CUX2: variants seen among roughly 807,000 people sequenced by gnomAD.
CUX2 encodes the protein cut like homeobox 2, also known as homeobox protein cut-like 2.
Under a neutral mutation model 144.8 loss-of-function variants are expected in CUX2, and 40 were observed. The observed-to-expected ratio is 0.28, with a 90% CI of 0.21 to 0.36. CUX2 has a LOEUF of 0.36. Ranked by LOEUF, CUX2 falls within the 10% of genes least tolerant of loss-of-function variation. The probability of loss-of-function intolerance (pLI) is 1.00; values close to 1 mark genes in which losing one functional copy is unlikely to be tolerated. For synonymous variants in CUX2, 827 were observed against 875.6 expected (o/e 0.94, Z 0.98); for missense variants, 1,615 against 1,994.0 (o/e 0.81, Z 3.62).
intron 1 of CUX2, among the ~76,000 whole-genome samples, chr12:111,071,877 T>G (rs80203750): frequency 6.6e-6 from 1 of 152,218 alleles, no homozygotes; most frequent in Non-Finnish European, 1.5e-5. Context: ...CAAATATCTC[T>G]TCTCCATTTT....
chr12:111,336,454 G>A (rs952269414), intron 19 of CUX2, among the ~76,000 whole-genome samples: 1 of 136,770 alleles, frequency 7.3e-6, no homozygotes, highest in Non-Finnish European at 1.5e-5. Context: ...GTGTGTGTGT[G>A]TGTGTTTAAG....
chr12:111,222,092 G>A (rs1024679604), intron 3 of CUX2, among the ~76,000 whole-genome samples: 5 of 152,152 alleles, frequency 3.3e-5, no homozygotes, highest in African/African-American at 4.8e-5. Flanking sequence ...TAATCAAGTC[G>A]CACAGATGGG....
chr12:111,128,343 T>C (rs1875222372), intron 1 of CUX2, among the ~76,000 whole-genome samples: 1 of 152,162 alleles, frequency 6.6e-6, no homozygotes. Flanking sequence ...TGCCTACATA[T>C]CCTGGAGAAC....
intron 1 of CUX2, among the ~76,000 whole-genome samples, chr12:111,212,176 G>A (rs1219308777): frequency 6.6e-6 from 1 of 152,102 alleles, no homozygotes; most frequent in Non-Finnish European, 1.5e-5. Context: ...TTTCGGTTGT[G>A]GTCAGTTGTA....
At chr12:111,104,134 T>A (rs918091203) in intron 1 of CUX2, among the ~76,000 whole-genome samples, 1 of 152,198 alleles carries the variant, frequency 6.6e-6, no homozygotes, top group East Asian at 1.9e-4. Context: ...TTGTCTGCAT[T>A]TTCTCTCTCT....
At position 111,059,332 on chromosome 12, in the gene CUX2, G is replaced by A. The variant is rs1286831492; in HGVS notation, c.63+25092G>A. ...CTGAAAAAATGTGCAGACTCCACAC[G>A]GAGCAAACTGGGTAGAAATAACCAT... is the stretch of plus-strand genomic sequence containing the variant. On this transcript the variant is annotated intron_variant, in intron 1 of 21. Transcript: ENST00000261726. The surrounding 1 kb of genome is among the most constrained non-coding windows in gnomAD (Gnocchi z 5.3). Among the ~76,000 whole-genome samples, 3 of 152,228 alleles carry A rather than the reference G, an allele frequency of 2.0e-5. No homozygotes were observed. The highest frequency in any genetic ancestry group is 2.1e-4 in the South Asian group (1 of 4,830).
At position 111,298,722 on chromosome 12, in the gene CUX2, G is replaced by C. The variant is rs1886140707; in HGVS notation, c.753+133G>C. The C allele has an allele frequency of 3.9e-6, 4 of 1,014,844 alleles. No individual in the cohort carries two copies. In the Admixed American group the frequency reaches 6.5e-5, roughly 17 times the overall value. The allele number at this position is 1,014,844 out of a possible 1,614,324, so 62.9% of individuals were successfully genotyped here. A position where few individuals can be genotyped will look rare whatever the true frequency, so the allele number is the denominator to read the frequency against. ...CAACTGTGGGTCTTGTGCATGCCAA[G>C]TGAGGGAGCCAGGAGGAGTCTGGGC... On this transcript the variant is annotated intron_variant, in intron 9 of 21. Transcript: ENST00000261726.
At chr12:111,328,023 C>A (rs116457870) in intron 18 of CUX2, among the ~76,000 whole-genome samples, 1,609 of 152,170 alleles carry the variant, frequency 0.011, 26 homozygotes, top group African/African-American at 0.037. Context: ...GAGTGAGTGC[C>A]TTCCAGTCTG....
intron 1 of CUX2, among the ~76,000 whole-genome samples, chr12:111,213,376 A>G (rs147565528): frequency 1.3e-4 from 20 of 152,336 alleles, no homozygotes; most frequent in African/African-American, 4.6e-4. Context: ...GTGATCAAAT[A>G]TACATGCACG....
chr12:111,221,340 C>T (rs952959834), intron 3 of CUX2, among the ~76,000 whole-genome samples: 1 of 152,178 alleles, frequency 6.6e-6, no homozygotes, highest in Non-Finnish European at 1.5e-5. Context: ...TAAAAAGCAT[C>T]TTCTTCGTCC....
chr12:111,260,365 G>A (rs946181098), intron 3 of CUX2, among the ~76,000 whole-genome samples: 1 of 152,006 alleles, frequency 6.6e-6, no homozygotes, highest in African/African-American at 2.4e-5. Context: ...TCGGGAGGCT[G>A]AGGCAGGAGG....
At chr12:111,041,207 C>T (rs1869727896) in intron 1 of CUX2, among the ~76,000 whole-genome samples, 1 of 152,212 alleles carries the variant, frequency 6.6e-6, no homozygotes, top group Non-Finnish European at 1.5e-5. Flanking sequence ...TCTCCGCCTT[C>T]TAGGTTGTTC....
At chr12:111,262,151 A>T (rs1312421347) in intron 3 of CUX2, among the ~76,000 whole-genome samples, 1 of 152,142 alleles carries the variant, frequency 6.6e-6, no homozygotes, top group Non-Finnish European at 1.5e-5. Flanking sequence ...TCATCTGGGG[A>T]AGCTGCCTTA....
chr12:111,184,302 G>A (rs1293844838), intron 1 of CUX2, among the ~76,000 whole-genome samples: 1 of 152,086 alleles, frequency 6.6e-6, no homozygotes, highest in African/African-American at 2.4e-5. Context: ...CCATGAGTCG[G>A]GGATTGGAAG....
intron 1 of CUX2, among the ~76,000 whole-genome samples, chr12:111,151,792 A>G (rs1408223420): frequency 6.6e-6 from 1 of 151,988 alleles, no homozygotes; most frequent in African/African-American, 2.4e-5. Context: ...CGCTCCGGCC[A>G]TCACAGTCTG....
chr12:111,235,720 C>CA lies in CUX2; in HGVS notation c.222+17795dup, dbSNP rs1238370348. On this transcript the variant is annotated intron_variant, in intron 3 of 21. Transcript: ENST00000261726. ...CAGGCAACAGAGTAAGACTCCATCT[C>CA]AAAAAAAAAAAAGAATGAGGTGAGC... Among the ~76,000 whole-genome samples, 606 of 140,578 alleles carry CA rather than the reference C, an allele frequency of 4.3e-3. 2 individuals are homozygous for CA. The highest frequency in any genetic ancestry group is 0.011 in the South Asian group (50 of 4,412). 92.2% of individuals were successfully genotyped at this position (140,578 alleles called of 152,430 possible).
At chr12:111,052,866 C>T (rs1870343532) in intron 1 of CUX2, among the ~76,000 whole-genome samples, 1 of 152,232 alleles carries the variant, frequency 6.6e-6, no homozygotes, top group Non-Finnish European at 1.5e-5. Flanking sequence ...AGCATGGCCA[C>T]TGCAGAGTTG....
chr12:111,036,669 C>T (rs1175008893), intron 1 of CUX2, among the ~76,000 whole-genome samples: 4 of 149,642 alleles, frequency 2.7e-5, no homozygotes, highest in African/African-American at 4.9e-5. Flanking sequence ...GCTAGTGTGT[C>T]TGGCACACAG....
intron 1 of CUX2, among the ~76,000 whole-genome samples, chr12:111,145,951 C>T (rs1566252321): frequency 6.6e-6 from 1 of 151,828 alleles, no homozygotes; most frequent in Non-Finnish European, 1.5e-5. Context: ...GTGATCCACC[C>T]ACCTCGGCCT....
Sources: gnomAD v4.1 joint callset for allele counts (sites outside exome capture counted in the v4.1 genomes callset) on GRCh38, gnomAD v4.1.1 for gene constraint, Gnocchi (gnomAD v3.1) non-coding constraint, MANE v1.5 for transcripts, NCBI Gene and HGNC (gene_info 2026-07-23, HGNC 2026-07-21) for gene names.